The following ZFYVE21 variants were observed in gnomAD, a reference collection of about 807,000 sequenced individuals.
ZFYVE21 encodes the protein zinc finger FYVE domain-containing protein 21.
ZFYVE21 carries 21 observed loss-of-function variants against 29.5 expected under a neutral mutation model. The observed-to-expected ratio is 0.71, with a 90% CI of 0.50 to 1.02. ZFYVE21 has a LOEUF of 1.02. Ranked by LOEUF, ZFYVE21 falls within the 50% of genes least tolerant of loss-of-function variation. ZFYVE21 has a pLI of 0.00. For missense variants in ZFYVE21, 326 were observed against 335.4 expected (o/e 0.97, Z 0.22); for synonymous variants, 151 against 133.8 (o/e 1.13, Z -0.89).
At chr14:103,729,457 T>C in intron 5 of ZFYVE21, 1 of 568,590 alleles carries the variant, frequency 1.8e-6, no homozygotes, top group Admixed American at 3.3e-5. Context: ...CTCTAACGTA[T>C]CATTCGGTTT....
Position 103,727,986 on chromosome 14 carries a change from G to C in ZFYVE21, c.358+72G>C, listed in dbSNP as rs1178500429. ...TCCTCGTGTCTGTGGCGATGCTGTG[G>C]GCTGTGCACGGGGCGTTCTGCTTCT... On this transcript the variant is annotated intron_variant, in intron 3 of 6. Transcript: ENST00000311141. The C allele has an allele frequency of 2.9e-5, 43 of 1,488,240 alleles. No homozygotes were observed. The Admixed American group carries it at 8.6e-4, about 30-fold the overall frequency. The allele number at this position is 1,488,240 out of a possible 1,614,324, so 92.2% of individuals were successfully genotyped here.
chr14:103,727,025 A>G (rs1293472431), intron 2 of ZFYVE21, 183 bp downstream of exon 2: 2 of 570,172 alleles, frequency 3.5e-6, no homozygotes, highest in South Asian at 2.0e-5. Flanking sequence ...GGCTCACTGC[A>G]ACCTCTGCCT....
chr14:103,726,919 G>T (rs1452206111), intron 2 of ZFYVE21, 77 bp downstream of exon 2: 6 of 1,491,342 alleles, frequency 4.0e-6, no homozygotes, highest in Non-Finnish European at 3.7e-6. Flanking sequence ...TGCCCCTTCT[G>T]GCAGGGGACG....
chr14:103,722,210 T>C (rs979748394), intron 1 of ZFYVE21, among the ~76,000 whole-genome samples: 2 of 152,244 alleles, frequency 1.3e-5, no homozygotes, highest in Non-Finnish European at 2.9e-5. Context: ...GATAATTTTT[T>C]AAATTTCTTT....
intron 1 of ZFYVE21, chr14:103,725,926 C>T (rs2083919396): frequency 1.3e-5 from 2 of 152,378 alleles, no homozygotes; most frequent in South Asian, 4.1e-4. Context: ...GCCCAGTTCC[C>T]AGGTCTTGTG....
chr14:103,729,134 G>C lies in ZFYVE21; in HGVS notation c.478G>C (p.Val160Leu). 1 of 1,614,060 alleles carries C rather than the reference G, an allele frequency of 6.2e-7. No homozygotes were observed. The highest frequency in any genetic ancestry group is 8.5e-7 in the Non-Finnish European group (1 of 1,180,038). Residue 160 changes from valine to leucine, a missense_variant, in exon 5 of 7, where the codon GTA (valine) becomes CTA (leucine). Coordinates refer to ENST00000311141, the MANE Select transcript of ZFYVE21 (RefSeq NM_024071.4). The stretch of plus-strand genomic sequence containing the variant: ...AGACAGCCACTATGAAATCGAAATT[G>C]TACACATTTCCACCGTGCAGATCCT... The part of the protein sequence containing the change: ...DGDSHYEIEI[V>L]HISTVQILTE...
intron 1 of ZFYVE21, among the ~76,000 whole-genome samples, chr14:103,717,184 G>A (rs1324175880): frequency 1.3e-5 from 2 of 152,198 alleles, no homozygotes; most frequent in Non-Finnish European, 1.5e-5. Context: ...GTCACTGAGC[G>A]TGTCCTGGAG....
intron 1 of ZFYVE21, 35 bp from the exon 2 acceptor site, chr14:103,726,757 A>T (rs201249906): frequency 6.2e-7 from 1 of 1,613,156 alleles, no homozygotes; most frequent in African/African-American, 1.3e-5. Context: ...TGAGTGACCA[A>T]GCTGCGTTTT....
In ZFYVE21 at chr14:103,733,065, G is replaced by T. The variant is rs768646317; in HGVS notation, c.*47G>T. 1 of 1,613,622 alleles carries T rather than the reference G, an allele frequency of 6.2e-7. No homozygotes were observed. The highest frequency in any genetic ancestry group is 8.5e-7 in the Non-Finnish European group (1 of 1,179,628). ...GAGTACGTGTGGTCACCAGGACTGAGTCGCTTGGAACAGCAGAGCCTGCTC... is the reference window on the plus strand; with the variant it reads ...GAGTACGTGTGGTCACCAGGACTGATTCGCTTGGAACAGCAGAGCCTGCTC... On this transcript the variant is annotated 3_prime_UTR_variant, in exon 7 of 7. Transcript: ENST00000311141.
intron 1 of ZFYVE21, among the ~76,000 whole-genome samples, chr14:103,723,192 T>C (rs944093832): frequency 6.6e-6 from 1 of 152,186 alleles, no homozygotes; most frequent in South Asian, 2.1e-4. Flanking sequence ...CGTGAAGCTT[T>C]CTCTAGCAGA....
At chr14:103,725,811 A>AC (rs1290199926) in intron 1 of ZFYVE21, 1 of 152,168 alleles carries the variant, frequency 6.6e-6, no homozygotes, top group East Asian at 1.9e-4. Context: ...TTCCACCTTT[A>AC]CCCTTAGGCC....
intron 1 of ZFYVE21, among the ~76,000 whole-genome samples, chr14:103,717,246 C>CTAA (rs1447387283): frequency 6.6e-6 from 1 of 152,190 alleles, no homozygotes; most frequent in Non-Finnish European, 1.5e-5. Context: ...CATGAGGAGT[C>CTAA]TTTTTAGACA....
chr14:103,729,578 C>T (rs1033089557), intron 5 of ZFYVE21: 5 of 624,846 alleles, frequency 8.0e-6, no homozygotes, highest in African/African-American at 7.4e-5. Flanking sequence ...CTCCTGCAGG[C>T]GTCTGTGCAG....
At position 103,733,277 on chromosome 14, in the gene ZFYVE21, A is replaced by G. The variant is rs1357756481; in HGVS notation, c.*259A>G. 2 of 478,466 alleles carry G rather than the reference A, an allele frequency of 4.2e-6. No individual in the cohort carries two copies. Among genetic ancestry groups the G allele is most frequent in the African/African-American group, 3.9e-5 (2 of 50,936 alleles). The allele number at this position is 478,466 out of a possible 1,614,324, so 29.6% of individuals were successfully genotyped here. Reference sequence around the variant, plus strand: ...TTGGGGGTGGGAGAGACTGAGCTACACTACTGCTAAACTATTTTTAGCATA... The same window carrying G: ...TTGGGGGTGGGAGAGACTGAGCTACGCTACTGCTAAACTATTTTTAGCATA... On this transcript the variant is annotated 3_prime_UTR_variant, in exon 7 of 7. Coordinates refer to ENST00000311141, the MANE Select transcript of ZFYVE21 (RefSeq NM_024071.4).
In ZFYVE21 at chr14:103,716,038, C is replaced by T; in HGVS notation, c.138+59C>T. ...CCCGCCCCGCCGCCCCGGCCCGGCC[C>T]CGCGGGCTTCCAGGCTCCCGCGACG... On this transcript the variant is annotated intron_variant, in intron 1 of 6. Transcript: ENST00000311141. This position sits in a 1 kb window ranked among gnomAD's most constrained non-coding sequence, Gnocchi z 4.8. 1 of 1,176,726 alleles carries T rather than the reference C, an allele frequency of 8.5e-7. No individual in the cohort carries two copies. The highest frequency in any genetic ancestry group is 1.1e-6 in the Non-Finnish European group (1 of 950,850). 72.9% of individuals were successfully genotyped at this position (1,176,726 alleles called of 1,614,324 possible).
intron 2 of ZFYVE21, chr14:103,727,346 C>G: frequency 2.6e-6 from 1 of 382,534 alleles, no homozygotes; most frequent in South Asian, 2.0e-5. Context: ...CTTGCGAGGC[C>G]TGTGCACCCA....
At chr14:103,726,652 G>A (rs2083927412) in intron 1 of ZFYVE21, 140 bp from the exon 2 acceptor site, 2 of 1,093,322 alleles carry the variant, frequency 1.8e-6, no homozygotes, top group Admixed American at 1.8e-5. Flanking sequence ...ACCGTCCTGC[G>A]TCACAACCCT....
intron 5 of ZFYVE21, chr14:103,732,221 C>T (rs536017882): frequency 4.8e-4 from 72 of 150,486 alleles, no homozygotes; most frequent in Admixed American, 1.4e-3. Context: ...TCCACTCTTC[C>T]CCCAGCCCTG....
At chr14:103,730,510 G>T (rs2083964194) in intron 5 of ZFYVE21, 1 of 152,588 alleles carries the variant, frequency 6.6e-6, no homozygotes, top group Non-Finnish European at 1.5e-5. Context: ...CAGTGCCTCA[G>T]GAGGCCAGGG....
Sources: allele counts gnomAD v4.1 joint callset (sites outside exome capture counted in the v4.1 genomes callset), GRCh38; gene constraint gnomAD v4.1.1; non-coding constraint Gnocchi (gnomAD v3.1); transcripts MANE v1.5; gene names NCBI Gene and HGNC (gene_info 2026-07-23, HGNC 2026-07-21).